The following LRRC8C variants were observed in gnomAD, a reference collection of about 807,000 sequenced individuals.
LRRC8C encodes leucine rich repeat containing 8 VRAC subunit C.
LRRC8C carries 20 observed loss-of-function variants against 55.3 expected under a neutral mutation model. That is an observed-to-expected ratio of 0.36 (90% CI 0.25 to 0.53). The LOEUF (loss-of-function observed/expected upper bound fraction) is 0.53, where lower values mean the gene tolerates loss of function less well. Ranked by LOEUF, LRRC8C falls within the 20% of genes least tolerant of loss-of-function variation. LRRC8C has a pLI of 0.92. For synonymous variants in LRRC8C, 376 were observed against 360.7 expected (o/e 1.04, Z -0.48); for missense variants, 659 against 951.4 (o/e 0.69, Z 4.04).
rs998413425 is a variant in LRRC8C at position 89,712,754 on chromosome 1, G to A, written c.184G>A (p.Ala62Thr). 5.0e-6 allele frequency: 8 copies of A among 1,614,048 alleles called. No homozygotes were observed. Among genetic ancestry groups the A allele is most frequent in the African/African-American group, 1.3e-5 (1 of 74,924 alleles). The change falls in exon 3 of 3, where the codon GCT becomes ACT. Residue 62 changes from alanine (A) to threonine (T), a missense_variant. Physicochemically the swap from Ala to Thr is moderately conservative, Grantham distance 58. Around this residue, in one of 5 missense-constraint regions of LRRC8C, gnomAD observed 82 missense variants for 71.4 expected, o/e 1.15. Coordinates refer to ENST00000370454, the MANE Select transcript of LRRC8C (RefSeq NM_032270.5). ...IICLPKRVQP[A>T]QNHSSLSNVS... ...CTGCCTTCCGAAAAGAGTGCAGCCTGCTCAGAACCACTCTTCCCTTTCGAA... is the reference window on the plus strand; with the variant it reads ...CTGCCTTCCGAAAAGAGTGCAGCCTACTCAGAACCACTCTTCCCTTTCGAA...
intron 1 of LRRC8C, among the ~76,000 whole-genome samples, chr1:89,670,221 T>C (rs533005359): frequency 6.6e-6 from 1 of 152,342 alleles, no homozygotes; most frequent in African/African-American, 2.4e-5. Flanking sequence ...TCCGTTTACA[T>C]GCTTTTTGCG....
chr1:89,641,224 T>C (rs1325100740), intron 1 of LRRC8C, among the ~76,000 whole-genome samples: 1 of 152,204 alleles, frequency 6.6e-6, no homozygotes, highest in Admixed American at 6.5e-5. Context: ...ACAAATAATT[T>C]CTGAGCATGT....
chr1:89,646,464 AAGGTTGGTTTAACATTCAAAAAT>A (rs1656617417), intron 1 of LRRC8C, among the ~76,000 whole-genome samples: 1 of 152,172 alleles, frequency 6.6e-6, no homozygotes, highest in African/African-American at 2.4e-5. Flanking sequence ...CCAAGAATGC[AAGGTTGGTTTAACATTCAAAAAT>A]CAATCACTGT....
intron 1 of LRRC8C, among the ~76,000 whole-genome samples, chr1:89,663,160 T>C (rs959427605): frequency 6.6e-6 from 1 of 152,230 alleles, no homozygotes; most frequent in Non-Finnish European, 1.5e-5. Flanking sequence ...ACTCAGCCTT[T>C]TTTATGGCTA....
intron 1 of LRRC8C, among the ~76,000 whole-genome samples, chr1:89,657,968 T>C (rs1656997327): frequency 6.6e-6 from 1 of 152,202 alleles, no homozygotes. Context: ...AGTGTATGAC[T>C]GTGTGTAACT....
chr1:89,642,477 G>A (rs1023590418), intron 1 of LRRC8C, among the ~76,000 whole-genome samples: 1 of 152,166 alleles, frequency 6.6e-6, no homozygotes, highest in African/African-American at 2.4e-5. Flanking sequence ...CACTTTGGGA[G>A]GCCTAGGTAA....
intron 1 of LRRC8C, among the ~76,000 whole-genome samples, chr1:89,675,694 T>C (rs1418537384): frequency 6.6e-6 from 1 of 152,212 alleles, no homozygotes; most frequent in Non-Finnish European, 1.5e-5. Flanking sequence ...GCCAATGATA[T>C]TGAGAGTTCA....
Position 89,718,597 on chromosome 1 carries a change from C to G in LRRC8C, c.*3615C>G, listed in dbSNP as rs915580723. 1 of 152,072 alleles carries G rather than the reference C, an allele frequency of 6.6e-6. No homozygotes were observed. Among genetic ancestry groups the G allele is most frequent in the African/African-American group, 2.4e-5 (1 of 41,402 alleles). The allele number at this position is 152,072 out of a possible 1,614,324, so 9.4% of individuals were successfully genotyped here. On this transcript the variant is annotated 3_prime_UTR_variant, in exon 3 of 3. Transcript: ENST00000370454. ...TCTAATTTCATACCAAATACCTGATCAATAGAAATGATATATTTAAGCAGC... is the reference window on the plus strand; with the variant it reads ...TCTAATTTCATACCAAATACCTGATGAATAGAAATGATATATTTAAGCAGC...
chr1:89,709,965 G>T (rs1179736617), intron 2 of LRRC8C, among the ~76,000 whole-genome samples: 1 of 151,996 alleles, frequency 6.6e-6, no homozygotes, highest in East Asian at 1.9e-4. Context: ...GTTAGCCAAG[G>T]TGGTCTGGAT....
chr1:89,673,930 G>A (rs1557656858), intron 1 of LRRC8C, among the ~76,000 whole-genome samples: 1 of 152,206 alleles, frequency 6.6e-6, no homozygotes, highest in Non-Finnish European at 1.5e-5. Context: ...TAGAACCTGG[G>A]TCTGCGGTAT....
chr1:89,626,050 T>C, the LRRC8C span, among the ~76,000 whole-genome samples: 1 of 152,222 alleles, frequency 6.6e-6, no homozygotes, highest in Non-Finnish European at 1.5e-5. Context: ...ACTCACTTCA[T>C]GGGTACAGCC....
chr1:89,703,279 G>T (rs1658382711), intron 2 of LRRC8C, among the ~76,000 whole-genome samples: 1 of 152,092 alleles, frequency 6.6e-6, no homozygotes, highest in Admixed American at 6.5e-5. Flanking sequence ...AGGGAAAATG[G>T]AATAATATTT....
intron 1 of LRRC8C, chr1:89,676,254 A>G (rs1387894951): frequency 6.6e-6 from 1 of 152,220 alleles, no homozygotes; most frequent in Non-Finnish European, 1.5e-5. Context: ...CAAGGTAGTC[A>G]CAACATTTGG....
the LRRC8C span, among the ~76,000 whole-genome samples, chr1:89,617,725 C>A: frequency 1.3e-5 from 2 of 152,180 alleles, no homozygotes; most frequent in African/African-American, 4.8e-5. Flanking sequence ...CAGGAGGTCC[C>A]AAGGCCACTC....
At chr1:89,650,648 A>G (rs1378146692) in intron 1 of LRRC8C, among the ~76,000 whole-genome samples, 1 of 152,196 alleles carries the variant, frequency 6.6e-6, no homozygotes, top group Non-Finnish European at 1.5e-5. Flanking sequence ...CTTATCCTAA[A>G]TGTTCTTTTT....
rs768507215 is a variant in LRRC8C at position 89,714,302 on chromosome 1, A to C, written c.1732A>C (p.Lys578Gln). ...GATGTGCATACATAATGATGGCACC[A>C]AGCTGGTGATGCTCAACAACTTAAA... ...QKMCIHNDGT[K>Q]LVMLNNLKKM... Residue 578 changes from lysine to glutamine, a missense_variant, in exon 3 of 3, where the codon AAG (lysine) becomes CAG (glutamine). Lys to Gln is a moderately conservative substitution (Grantham distance 53, BLOSUM62 1). Around this residue, in one of 5 missense-constraint regions of LRRC8C, gnomAD observed 344 missense variants for 464.6 expected, o/e 0.74. Coordinates refer to ENST00000370454, the MANE Select transcript of LRRC8C (RefSeq NM_032270.5). The surrounding 1 kb of genome is among the most constrained non-coding windows in gnomAD (Gnocchi z 4.6). The C allele has an allele frequency of 9.3e-6, 15 of 1,614,054 alleles. No individual in the cohort carries two copies. The highest frequency in any genetic ancestry group is 8.5e-7 in the Non-Finnish European group (1 of 1,180,040).
At chr1:89,635,894 T>C (rs963272998) in intron 1 of LRRC8C, among the ~76,000 whole-genome samples, 1 of 152,224 alleles carries the variant, frequency 6.6e-6, no homozygotes, top group African/African-American at 2.4e-5. Flanking sequence ...TTCTGGAGTG[T>C]TGACTGTATC....
chr1:89,692,011 A>G (rs1364806399), intron 2 of LRRC8C, among the ~76,000 whole-genome samples: 1 of 152,198 alleles, frequency 6.6e-6, no homozygotes, highest in Non-Finnish European at 1.5e-5. Context: ...AAATTATCAA[A>G]GTAAAACTAC....
intron 1 of LRRC8C, among the ~76,000 whole-genome samples, chr1:89,658,823 A>AATT: frequency 6.6e-6 from 1 of 151,788 alleles, no homozygotes; most frequent in Admixed American, 6.6e-5. Flanking sequence ...TGTAGATTCC[A>AATT]CTGTTTAAAT....
Sources: gnomAD v4.1 joint callset for allele counts (sites outside exome capture counted in the v4.1 genomes callset) on GRCh38, gnomAD v4.1.1 for gene constraint, gnomAD v4.1.1 regional missense constraint, Gnocchi (gnomAD v3.1) non-coding constraint, MANE v1.5 for transcripts, NCBI Gene and HGNC (gene_info 2026-07-23, HGNC 2026-07-21) for gene names.